The following DPYD variants were observed in gnomAD, a reference collection of about 807,000 sequenced individuals.
The protein encoded by DPYD is dihydropyrimidine dehydrogenase.
Under a neutral mutation model 116.2 loss-of-function variants are expected in DPYD, and 109 were observed. The ratio of observed to expected loss-of-function variants is 0.94; its 90% CI spans 0.80 to 1.10. The LOEUF (loss-of-function observed/expected upper bound fraction) is 1.10, where lower values mean the gene tolerates loss of function less well. Among genes scored for constraint, DPYD ranks in the 50% least tolerant of loss-of-function variants. DPYD has a pLI of 0.00. For missense variants in DPYD, 1,302 were observed against 1,254.5 expected (o/e 1.04, Z -0.57); for synonymous variants, 440 against 432.0 (o/e 1.02, Z -0.23).
chr1:97,277,503 T>A (rs1450787926), intron 18 of DPYD, among the ~76,000 whole-genome samples: 2 of 152,200 alleles, frequency 1.3e-5, no homozygotes, highest in Admixed American at 1.3e-4. Context: ...TCTCCAGAGT[T>A]TACTTAAAAT....
chr1:97,609,846 TA>T (rs1178864918), intron 8 of DPYD, among the ~76,000 whole-genome samples: 1 of 151,990 alleles, frequency 6.6e-6, no homozygotes, highest in African/African-American at 2.4e-5. Context: ...CTTTAAAGAT[TA>T]GTAGGTAATT....
chr1:97,897,089 G>A (rs1571549506), intron 1 of DPYD, among the ~76,000 whole-genome samples: 1 of 151,812 alleles, frequency 6.6e-6, no homozygotes, highest in Non-Finnish European at 1.5e-5. Flanking sequence ...TTGTAATGCG[G>A]GTCTGCTGCT....
At chr1:97,872,730 CAATG>C (rs1411522941) in intron 2 of DPYD, among the ~76,000 whole-genome samples, 1 of 151,888 alleles carries the variant, frequency 6.6e-6, no homozygotes, top group Non-Finnish European at 1.5e-5. Flanking sequence ...ATGCACTTCT[CAATG>C]AAATAACCAG....
chr1:97,182,197 T>A (rs184920402), intron 20 of DPYD, among the ~76,000 whole-genome samples: 1 of 152,232 alleles, frequency 6.6e-6, no homozygotes, highest in African/African-American at 2.4e-5. Flanking sequence ...TTATCCAACA[T>A]TTTTTGCTTC....
intron 1 of DPYD, among the ~76,000 whole-genome samples, chr1:97,892,002 T>C (rs1183602182): frequency 1.3e-5 from 2 of 151,890 alleles, no homozygotes; most frequent in East Asian, 1.9e-4. Flanking sequence ...TTTTGTCTTA[T>C]TTAAATTATG....
intron 3 of DPYD, among the ~76,000 whole-genome samples, chr1:97,744,796 G>A (rs553770303): frequency 6.6e-6 from 1 of 152,038 alleles, no homozygotes; most frequent in Admixed American, 6.6e-5. Flanking sequence ...TTCCTCAGTG[G>A]TGCAACATGT....
intron 20 of DPYD, among the ~76,000 whole-genome samples, chr1:97,140,111 T>A (rs1282305945): frequency 6.6e-6 from 1 of 151,970 alleles, no homozygotes; most frequent in Non-Finnish European, 1.5e-5. Context: ...GTGATACCAG[T>A]CTTAGCAACC....
Position 97,880,035 on chromosome 1 carries a change from T to G in DPYD, c.150+3229A>C, listed in dbSNP as rs539037826. 5.9e-4 allele frequency among the ~76,000 whole-genome samples: 90 copies of G among 151,650 alleles called. No homozygotes were observed. The South Asian group carries it at 9.3e-3, about 16-fold the overall frequency. ...CTATATATAGATAGATATCTATATA[T>G]AGAGAGAGATATATGTATATATATC... On this transcript the variant is annotated intron_variant, in intron 2 of 22. Transcript: ENST00000370192.
chr1:97,291,407 A>G lies in DPYD; in HGVS notation c.2299+13852T>C, dbSNP rs1666161561. Among the ~76,000 whole-genome samples the G allele has an allele frequency of 2.0e-5, 3 of 151,952 alleles. 1 individual carries two copies. The highest frequency in any genetic ancestry group is 4.2e-4 in the South Asian group (2 of 4,810). On this transcript the variant is annotated intron_variant, in intron 18 of 22. Coordinates refer to ENST00000370192, the MANE Select transcript of DPYD (RefSeq NM_000110.4). The stretch of plus-strand genomic sequence containing the variant: ...GCACACGTATGTTTATTGTGGCACT[A>G]TTCACAATAGCAAAGACTTGGAACC...
intron 3 of DPYD, among the ~76,000 whole-genome samples, chr1:97,802,470 T>C (rs1257569209): frequency 6.6e-6 from 1 of 151,852 alleles, no homozygotes; most frequent in East Asian, 1.9e-4. Context: ...CAGTAGGAAC[T>C]TTGGACTTAC....
At chr1:97,166,851 C>G (rs954706403) in intron 20 of DPYD, among the ~76,000 whole-genome samples, 1 of 152,080 alleles carries the variant, frequency 6.6e-6, no homozygotes, top group African/African-American at 2.4e-5. Context: ...TGGCCCTATA[C>G]TTATATTTCA....
chr1:97,577,789 T>C (rs528880934), intron 10 of DPYD, among the ~76,000 whole-genome samples: 113 of 152,156 alleles, frequency 7.4e-4, no homozygotes, highest in African/African-American at 2.6e-3. Flanking sequence ...TTATTTGTCT[T>C]GTTATAAGTA....
chr1:97,083,299 G>A (rs559449976), intron 21 of DPYD, among the ~76,000 whole-genome samples: 1 of 152,226 alleles, frequency 6.6e-6, no homozygotes, highest in South Asian at 2.1e-4. Context: ...CTATTAACAT[G>A]AGAATCTTGT....
intron 16 of DPYD, among the ~76,000 whole-genome samples, chr1:97,362,571 A>T (rs1670793664): frequency 6.6e-6 from 1 of 152,218 alleles, no homozygotes; most frequent in East Asian, 1.9e-4. Context: ...GGCTACAGTA[A>T]CCAAGACAGC....
chr1:97,295,099 T>C (rs1318676663), intron 18 of DPYD, among the ~76,000 whole-genome samples: 1 of 152,196 alleles, frequency 6.6e-6, no homozygotes, highest in Non-Finnish European at 1.5e-5. Context: ...ACCCAGACTA[T>C]GACATATCCT....
intron 10 of DPYD, among the ~76,000 whole-genome samples, chr1:97,586,517 T>TATAC: frequency 1.4e-5 from 1 of 73,462 alleles, no homozygotes; most frequent in South Asian, 4.4e-4. Context: ...TATATATATA[T>TATAC]ATGCTGTGAA....
chr1:97,504,435 C>A (rs1189562923), intron 13 of DPYD, among the ~76,000 whole-genome samples: 2 of 151,904 alleles, frequency 1.3e-5, no homozygotes, highest in African/African-American at 2.4e-5. Flanking sequence ...TGTGAAGTCA[C>A]CTTAAGCTCT....
chr1:97,086,115 G>A (rs765434152), intron 21 of DPYD, among the ~76,000 whole-genome samples: 9 of 152,038 alleles, frequency 5.9e-5, no homozygotes, highest in Non-Finnish European at 1.0e-4. Flanking sequence ...GTGCAGTGGC[G>A]TGATCTCGGC....
At chr1:97,402,025 G>T (rs1393815978) in intron 14 of DPYD, among the ~76,000 whole-genome samples, 1 of 152,038 alleles carries the variant, frequency 6.6e-6, no homozygotes, top group East Asian at 1.9e-4. Context: ...GATTACTGTA[G>T]CTTTATAGTA....
Sources: allele counts gnomAD v4.1 joint callset (sites outside exome capture counted in the v4.1 genomes callset), GRCh38; gene constraint gnomAD v4.1.1; transcripts MANE v1.5; gene names NCBI Gene and HGNC (gene_info 2026-07-23, HGNC 2026-07-21).